Variants in LZTFL1 observed in about 807,000 individuals in gnomAD.
The protein encoded by LZTFL1 is leucine zipper transcription factor-like protein 1.
LZTFL1 carries 25 observed loss-of-function variants against 45.9 expected under a neutral mutation model. The ratio of observed to expected loss-of-function variants is 0.54; its 90% CI spans 0.40 to 0.76. LZTFL1 has a LOEUF of 0.76. LZTFL1 is among the 30% of genes least tolerant of loss of function. LZTFL1 has a pLI of 0.00. For synonymous variants in LZTFL1, 93 were observed against 117.4 expected (o/e 0.79, Z 1.35); for missense variants, 277 against 331.1 (o/e 0.84, Z 1.27).
At chr3:45,842,190 A>G, upstream of LZTFL1, 1 of 1,453,340 alleles carries the variant, frequency 6.9e-7, no homozygotes, top group Non-Finnish European at 9.1e-7. Context: ...ATCACGCGAC[A>G]GGAAGTATTG....
chr3:45,844,475 C>G (rs1311130832), upstream of LZTFL1, among the ~76,000 whole-genome samples: 1 of 151,872 alleles, frequency 6.6e-6, no homozygotes, highest in Non-Finnish European at 1.5e-5. Flanking sequence ...AGGTGATACA[C>G]AGAAAATGTA....
Position 45,835,818 on chromosome 3 carries a change from AAAC to A in LZTFL1, c.129-37_129-35del, listed in dbSNP as rs779435977. ...CAACCATGATCCAAAACTTATAGAA[AAAC>A]AACAAGAAAAATCTACAAAATACAG... On this transcript the variant is annotated intron_variant, in intron 2 of 9. Coordinates refer to ENST00000296135, the MANE Select transcript of LZTFL1 (RefSeq NM_020347.4). The A allele has an allele frequency of 1.3e-5, 20 of 1,492,070 alleles. 1 individual carries two copies. In the Admixed American group the frequency reaches 1.5e-4, roughly 11 times the overall value. The allele number at this position is 1,492,070 out of a possible 1,614,324, so 92.4% of individuals were successfully genotyped here.
intron 1 of LZTFL1, 47 bp from the exon 2 acceptor site, chr3:45,838,098 C>A: frequency 1.9e-6 from 3 of 1,544,270 alleles, no homozygotes; most frequent in South Asian, 2.5e-5. Context: ...AAGATCTGAT[C>A]AAAGAGCCAA....
At chr3:45,855,797 G>A (rs911454499) in intron 3 of LZTFL1, among the ~76,000 whole-genome samples, 10 of 152,016 alleles carry the variant, frequency 6.6e-5, no homozygotes, top group Admixed American at 4.6e-4. Context: ...ATTCCCATTC[G>A]CAATTGCTAC....
Position 45,901,025 on chromosome 3 carries a change from G to C in LZTFL1, c.-215+12095C>G, listed in dbSNP as rs928827746. The C allele has an allele frequency of 2.5e-6, 4 of 1,614,184 alleles. No individual in the cohort carries two copies. The South Asian group carries it at 4.4e-5, about 18-fold the overall frequency. On this transcript the variant is annotated intron_variant, in intron 2 of 4. Transcript: ENST00000472635. This position sits in a 1 kb window ranked among gnomAD's most constrained non-coding sequence, Gnocchi z 4.3. Reference sequence around the variant, plus strand: ...TTGTCTACTGGTACTGCACAAGAGTGAAGACCATGACCGACATGTTCCTTT... The same window carrying C: ...TTGTCTACTGGTACTGCACAAGAGTCAAGACCATGACCGACATGTTCCTTT...
intron 2 of LZTFL1, among the ~76,000 whole-genome samples, chr3:45,905,543 C>T (rs1702663649): frequency 1.3e-5 from 2 of 152,232 alleles, no homozygotes; most frequent in African/African-American, 2.4e-5. Context: ...TATGGAGATG[C>T]CTCAAGAAAG....
chr3:45,843,879 A>C (rs1329450214), upstream of LZTFL1, among the ~76,000 whole-genome samples: 1 of 152,182 alleles, frequency 6.6e-6, no homozygotes, highest in African/African-American at 2.4e-5. Flanking sequence ...CAAAGCAAAC[A>C]ATTCGAGCCG....
intron 2 of LZTFL1, among the ~76,000 whole-genome samples, chr3:45,879,075 C>T (rs957970820): frequency 2.6e-5 from 4 of 152,304 alleles, no homozygotes; most frequent in African/African-American, 9.6e-5. Context: ...CAAAAAGGTA[C>T]AGCCACTTTG....
chr3:45,833,508 T>C (rs1700885719), intron 4 of LZTFL1, among the ~76,000 whole-genome samples: 1 of 152,202 alleles, frequency 6.6e-6, no homozygotes, highest in Non-Finnish European at 1.5e-5. Flanking sequence ...ACATGAACCT[T>C]AGACTCTGTG....
intron 2 of LZTFL1, among the ~76,000 whole-genome samples, chr3:45,873,540 A>T (rs1701702628): frequency 6.6e-6 from 1 of 152,196 alleles, no homozygotes; most frequent in Non-Finnish European, 1.5e-5. Context: ...AAAGCAGTGA[A>T]CTATTATAAT....
chr3:45,897,611 C>T (rs1702399024), intron 2 of LZTFL1: 2 of 1,535,374 alleles, frequency 1.3e-6, no homozygotes, highest in Non-Finnish European at 1.7e-6. Context: ...CCCAGGAATC[C>T]ATCTCCTTCC....
intron 2 of LZTFL1, among the ~76,000 whole-genome samples, chr3:45,890,643 C>T (rs1013666099): frequency 6.6e-6 from 1 of 151,904 alleles, no homozygotes; most frequent in Non-Finnish European, 1.5e-5. Context: ...CTGAAGATGT[C>T]AGAACCGTTC....
chr3:45,850,830 T>A (rs1033726475), intron 4 of LZTFL1, among the ~76,000 whole-genome samples: 1 of 152,158 alleles, frequency 6.6e-6, no homozygotes, highest in Non-Finnish European at 1.5e-5. Context: ...CCTCCCTCAA[T>A]GAAGCTCTTG....
intron 2 of LZTFL1, 60 bp from the exon 3 acceptor site, chr3:45,835,844 CA>C: frequency 7.7e-7 from 1 of 1,295,920 alleles, no homozygotes; most frequent in East Asian, 2.4e-5. Context: ...CTACAAAATA[CA>C]GCAAAATTAA....
intron 2 of LZTFL1, among the ~76,000 whole-genome samples, chr3:45,884,267 GC>G (rs1701923564): frequency 6.6e-6 from 1 of 152,182 alleles, no homozygotes; most frequent in Non-Finnish European, 1.5e-5. Context: ...AAGAAACACA[GC>G]AAAGAAAACA....
intron 2 of LZTFL1, among the ~76,000 whole-genome samples, chr3:45,903,683 C>T (rs750840461): frequency 1.3e-5 from 2 of 152,196 alleles, no homozygotes; most frequent in Non-Finnish European, 2.9e-5. Context: ...CCAGGGAGGG[C>T]GAAGGGGTGA....
Position 45,842,080 on chromosome 3 carries a change from C to T in LZTFL1, c.-89G>A. ...GGGATCGCCGAGGGTAGTTGGACCA[C>T]AGAAAATGGGGAAGGAGGGTAGGTT... On this transcript the variant is annotated 5_prime_UTR_variant, in exon 1 of 10. The change creates a new upstream start codon in the 5' untranslated region. Coordinates refer to ENST00000296135, the MANE Select transcript of LZTFL1 (RefSeq NM_020347.4). 1 of 1,582,136 alleles carries T rather than the reference C, an allele frequency of 6.3e-7. No individual in the cohort carries two copies. Among genetic ancestry groups the T allele is most frequent in the Non-Finnish European group, 8.6e-7 (1 of 1,166,616 alleles).
upstream of LZTFL1, among the ~76,000 whole-genome samples, chr3:45,844,978 A>G (rs575840646): frequency 6.6e-6 from 1 of 152,344 alleles, no homozygotes; most frequent in South Asian, 2.1e-4. Flanking sequence ...GATAATCTCA[A>G]TGCATTAACA....
chr3:45,848,614 G>T (rs1169128975), intron 4 of LZTFL1, among the ~76,000 whole-genome samples: 11 of 152,152 alleles, frequency 7.2e-5, no homozygotes. Flanking sequence ...AGCAACAAGA[G>T]GTGGCTACAA....
Sources: gnomAD v4.1 joint callset for allele counts (sites outside exome capture counted in the v4.1 genomes callset) on GRCh38, gnomAD v4.1.1 for gene constraint, Gnocchi (gnomAD v3.1) non-coding constraint, MANE v1.5 for transcripts, NCBI Gene and HGNC (gene_info 2026-07-23, HGNC 2026-07-21) for gene names.